The following IAH1 variants were observed in gnomAD, a reference collection of about 807,000 sequenced individuals.
IAH1 encodes isoamyl acetate-hydrolyzing esterase 1 homolog.
In IAH1, 24 loss-of-function variants were observed where a neutral mutation model predicts 26.7. The ratio of observed to expected loss-of-function variants is 0.90; its 90% confidence interval spans 0.65 to 1.26. The LOEUF is 1.26. Ranked by LOEUF, IAH1 falls within the 50% of genes most tolerant of loss-of-function variation. IAH1 has a pLI of 0.00. For synonymous variants in IAH1, 140 were observed against 118.5 expected, an observed-to-expected ratio of 1.18 and a Z score of -1.18; for missense variants, 300 against 299.9, an observed-to-expected ratio of 1.00 and a Z score of 0.00.
downstream of IAH1, chr2:9,490,543 T>C (rs369403456): frequency 4.0e-5 from 64 of 1,592,098 alleles, no homozygotes; most frequent in African/African-American, 5.9e-4. Flanking sequence ...GTTCAATTGA[T>C]TGATAGGAAT....
the IAH1 span, chr2:9,502,120 G>GACAC: frequency 3.5e-5 from 50 of 1,443,680 alleles, 1 homozygote; most frequent in South Asian, 5.5e-4. Context: ...GTTTTTCAAA[G>GACAC]ACACACACAC....
Position 9,474,707 on chromosome 2 carries a change from C to T in IAH1, c.81+60C>T. On this transcript the variant is annotated intron_variant, in intron 1 of 5. Coordinates refer to ENST00000497473, the MANE Select transcript of IAH1 (RefSeq NM_001039613.3). The surrounding 1 kb of genome is among the most constrained non-coding windows in gnomAD (Gnocchi z 4.3). ...GCCTCCCTGCGGGGTCGCTGCCGAG[C>T]AGGCCGAGGCTCCTCGCCGTCCTCT... The T allele has an allele frequency of 3.1e-6, 4 of 1,296,612 alleles. No homozygotes were observed. The highest frequency in any genetic ancestry group is 5.1e-5 in the Admixed American group (2 of 39,570). The allele number at this position is 1,296,612 out of a possible 1,614,324, so 80.3% of individuals were successfully genotyped here.
chr2:9,494,915 A>C, intron 6 of IAH1: 1 of 919,580 alleles, frequency 1.1e-6, no homozygotes, highest in Non-Finnish European at 1.6e-6. Flanking sequence ...CATAGCCCCC[A>C]CCAAGGAGTA....
chr2:9,477,619 C>T (rs76503460), intron 2 of IAH1, among the ~76,000 whole-genome samples: 29,614 of 151,362 alleles, frequency 0.2, 3,529 homozygotes, highest in Non-Finnish European at 0.27. Flanking sequence ...CCCAGGGTCA[C>T]GCCTAGTCAC....
At chr2:9,491,228 C>A, downstream of IAH1, 2 of 1,331,318 alleles carry the variant, frequency 1.5e-6, no homozygotes, top group Middle Eastern at 1.9e-4. Context: ...ACAGGCTATT[C>A]CTAACACTAA....
At chr2:9,488,087 A>G (rs930865292) in intron 5 of IAH1, 60 bp from the exon 6 acceptor site, 1 of 1,138,142 alleles carries the variant, frequency 8.8e-7, no homozygotes, top group Non-Finnish European at 1.2e-6. Context: ...TTGGAATGAC[A>G]GGGGTGAGCT....
chr2:9,488,037 C>A, intron 5 of IAH1, 110 bp from the exon 6 acceptor site: 1 of 735,960 alleles, frequency 1.4e-6, no homozygotes, highest in Non-Finnish European at 2.1e-6. Context: ...GAGACAGGGT[C>A]TCAAACTCCT....
intron 1 of IAH1, chr2:9,475,196 G>A: frequency 2.3e-6 from 3 of 1,289,504 alleles, no homozygotes; most frequent in South Asian, 1.2e-5. Context: ...CTCCCATGAA[G>A]GGAACGGTCT....
chr2:9,502,860 CAA>C, the IAH1 span, among the ~76,000 whole-genome samples: 1 of 93,612 alleles, frequency 1.1e-5, no homozygotes, highest in East Asian at 3.0e-4. Flanking sequence ...GCCTAGGCAA[CAA>C]GAGAGAAATT....
upstream of IAH1, chr2:9,474,494 G>A (rs1682349388): frequency 3.3e-6 from 3 of 920,984 alleles, no homozygotes; most frequent in Non-Finnish European, 4.4e-6. This position sits in a 1 kb window ranked among gnomAD's most constrained non-coding sequence, Gnocchi z 4.3. Flanking sequence ...CCCGGCTCCC[G>A]CAACCCACGG....
the IAH1 span, among the ~76,000 whole-genome samples, chr2:9,503,857 T>G: frequency 2.4e-3 from 327 of 134,154 alleles, 1 homozygote; most frequent in African/African-American, 8.7e-3. Context: ...AAAAAAGAAA[T>G]AAAAGATTAT....
intron 5 of IAH1, 37 bp from the exon 6 acceptor site, chr2:9,488,110 C>CAGTT (rs760127988): frequency 1.2e-5 from 18 of 1,468,292 alleles, no homozygotes; most frequent in African/African-American, 4.2e-5. Flanking sequence ...CACACGTGGC[C>CAGTT]AGTTACCCAC....
At chr2:9,505,158 C>T in the IAH1 span, 3 of 1,614,040 alleles carry the variant, frequency 1.9e-6, no homozygotes, top group East Asian at 2.2e-5. Context: ...TGTGGAGAGA[C>T]TCCTCACCTG....
chr2:9,491,189 A>G, downstream of IAH1: 1 of 1,580,764 alleles, frequency 6.3e-7, no homozygotes, highest in Non-Finnish European at 8.7e-7. Context: ...CCCTACAAAT[A>G]CAATTCAGTT....
At chr2:9,487,852 T>C (rs1661689663) in intron 5 of IAH1, among the ~76,000 whole-genome samples, 1 of 139,022 alleles carries the variant, frequency 7.2e-6, no homozygotes, top group Admixed American at 7.1e-5. Context: ...GCGCGCGCGC[T>C]GTGGGGGGAG....
upstream of IAH1, among the ~76,000 whole-genome samples, chr2:9,474,189 G>T (rs1682330163): frequency 6.6e-6 from 1 of 151,824 alleles, no homozygotes; most frequent in African/African-American, 2.4e-5. The surrounding 1 kb of genome is among the most constrained non-coding windows in gnomAD (Gnocchi z 4.3). Context: ...CTTCCAGGGG[G>T]GCCTGGAGCA....
Position 9,476,055 on chromosome 2 carries a change from G to T in IAH1, c.134+16G>T, listed in dbSNP as rs148450973. ...GGCTGGTCAGGTGAGAATGGTTTCC[G>T]ATACTTGAGTTCTTATGGATGGAAA... On this transcript the variant is annotated intron_variant, in intron 2 of 5. Coordinates refer to ENST00000497473, the MANE Select transcript of IAH1 (RefSeq NM_001039613.3). 1.2e-6 allele frequency: 2 copies of T among 1,605,814 alleles called. No homozygotes were observed. The highest frequency in any genetic ancestry group is 1.7e-6 in the Non-Finnish European group (2 of 1,173,224).
downstream of IAH1, among the ~76,000 whole-genome samples, chr2:9,490,892 A>G (rs951800783): frequency 1.7e-4 from 26 of 152,218 alleles, no homozygotes; most frequent in African/African-American, 6.3e-4. Flanking sequence ...GGAAGGGGAC[A>G]GCACAGCTCT....
At chr2:9,502,879 C>CAAA in the IAH1 span, among the ~76,000 whole-genome samples, 281 of 43,410 alleles carry the variant, frequency 6.5e-3, 8 homozygotes, top group African/African-American at 7.7e-3. Context: ...AATTCTGTCT[C>CAAA]AAAAAAAAAA....
Sources: allele counts gnomAD v4.1 joint callset (sites outside exome capture counted in the v4.1 genomes callset), GRCh38; gene constraint gnomAD v4.1.1; non-coding constraint Gnocchi (gnomAD v3.1); transcripts MANE v1.5; gene names NCBI Gene and HGNC (gene_info 2026-07-23, HGNC 2026-07-21).